The following NAALADL2 variants were observed in gnomAD, a reference collection of about 807,000 sequenced individuals.
The protein encoded by NAALADL2 is N-acetylated alpha-linked acidic dipeptidase like 2.
In NAALADL2, 76 loss-of-function variants were observed where a neutral mutation model predicts 87.2. The observed-to-expected ratio is 0.87, with a 90% CI of 0.72 to 1.05. The LOEUF (loss-of-function observed/expected upper bound fraction) is 1.05. Ranked by LOEUF, NAALADL2 falls within the 50% of genes least tolerant of loss-of-function variation. The pLI, the probability that NAALADL2 is intolerant of heterozygous loss-of-function variation, is 0.00. For synonymous variants in NAALADL2, 354 were observed against 331.0 expected, an observed-to-expected ratio of 1.07 and a Z score of -0.75; for missense variants, 1,089 against 945.8, an observed-to-expected ratio of 1.15 and a Z score of -1.99.
In NAALADL2 at chr3:175,753,420, A is replaced by G. The variant is rs114404844; in HGVS notation, c.1991-1800A>G. On this transcript the variant is annotated intron_variant, in intron 12 of 13. Transcript: ENST00000454872. Reference sequence around the variant, plus strand: ...TTTCTAAACATACTTTATTGAACCTACTTTGCTTATTTAGTAAACAATTAT... The same window carrying G: ...TTTCTAAACATACTTTATTGAACCTGCTTTGCTTATTTAGTAAACAATTAT... Among the ~76,000 whole-genome samples the G allele has an allele frequency of 5.7e-3, 860 of 152,128 alleles. 10 individuals are homozygous for G. Among genetic ancestry groups the G allele is most frequent in the African/African-American group, 0.02 (818 of 41,498 alleles).
chr3:175,270,136 T>C (rs1022265551), intron 4 of NAALADL2, among the ~76,000 whole-genome samples: 1 of 152,162 alleles, frequency 6.6e-6, no homozygotes, highest in Non-Finnish European at 1.5e-5. Context: ...ATTTAGCTTA[T>C]TTGCTTCCCC....
chr3:175,797,194 T>G (rs1011323384), intron 13 of NAALADL2, among the ~76,000 whole-genome samples: 2 of 152,138 alleles, frequency 1.3e-5, no homozygotes, highest in African/African-American at 4.8e-5. Flanking sequence ...CTTTATGTTG[T>G]GTGTGGGTCA....
At chr3:174,789,780 C>A (rs1019634772) in intron 3 of NAALADL2, among the ~76,000 whole-genome samples, 1 of 152,176 alleles carries the variant, frequency 6.6e-6, no homozygotes, top group East Asian at 1.9e-4. Flanking sequence ...TAGCAACCAG[C>A]AATGGCTAAG....
At chr3:174,797,004 T>G (rs56759391) in intron 3 of NAALADL2, among the ~76,000 whole-genome samples, 35,995 of 151,892 alleles carry the variant, frequency 0.24, 4,517 homozygotes, top group Middle Eastern at 0.3. Context: ...CTTATGCTTT[T>G]GAAGTGTTAG....
intron 10 of NAALADL2, among the ~76,000 whole-genome samples, chr3:175,605,716 GT>G (rs1356001286): frequency 6.9e-6 from 1 of 144,148 alleles, no homozygotes; most frequent in East Asian, 2.1e-4. Context: ...GTGTATTGCT[GT>G]TTTTTTAAAC....
intron 2 of NAALADL2, among the ~76,000 whole-genome samples, chr3:175,195,266 A>G (rs1015928171): frequency 6.6e-6 from 1 of 151,776 alleles, no homozygotes; most frequent in Non-Finnish European, 1.5e-5. Context: ...AGGGGAAGAG[A>G]CAATGAATAG....
At chr3:174,799,810 T>C (rs1393261018) in intron 3 of NAALADL2, among the ~76,000 whole-genome samples, 1 of 152,184 alleles carries the variant, frequency 6.6e-6, no homozygotes, top group Non-Finnish European at 1.5e-5. Context: ...TTAATGGCTT[T>C]GACCAAAAGC....
intron 13 of NAALADL2, chr3:175,773,103 A>G (rs972337123): frequency 4.3e-4 from 65 of 152,230 alleles, no homozygotes; most frequent in African/African-American, 1.4e-3. Context: ...GGAGATGGTA[A>G]TGAGAAAGTG....
At chr3:174,894,900 C>T (rs1731316669) in intron 1 of NAALADL2, among the ~76,000 whole-genome samples, 1 of 151,768 alleles carries the variant, frequency 6.6e-6, no homozygotes, top group African/African-American at 2.4e-5. Context: ...TATACAAATA[C>T]AGGGAAATTA....
At chr3:175,390,672 G>A (rs1052413305) in intron 5 of NAALADL2, among the ~76,000 whole-genome samples, 13 of 152,094 alleles carry the variant, frequency 8.5e-5, no homozygotes, top group Admixed American at 6.5e-4. Flanking sequence ...GTCTCCAAGA[G>A]TAGCTTTTTT....
At chr3:175,017,312 A>G (rs186526472) in intron 1 of NAALADL2, among the ~76,000 whole-genome samples, 6 of 152,200 alleles carry the variant, frequency 3.9e-5, no homozygotes, top group African/African-American at 1.2e-4. Context: ...TGTAAGCATC[A>G]AACTAAATAC....
chr3:174,783,367 A>G (rs1418012876), intron 3 of NAALADL2, among the ~76,000 whole-genome samples: 1 of 152,086 alleles, frequency 6.6e-6, no homozygotes, highest in Non-Finnish European at 1.5e-5. Flanking sequence ...GATGAAGATG[A>G]GGATTACTTC....
intron 12 of NAALADL2, among the ~76,000 whole-genome samples, chr3:175,754,815 C>G (rs1445548907): frequency 6.6e-6 from 1 of 152,136 alleles, no homozygotes; most frequent in Non-Finnish European, 1.5e-5. Context: ...ATGTGACAAG[C>G]AAGTTTTGGT....
intron 2 of NAALADL2, among the ~76,000 whole-genome samples, chr3:174,668,139 A>T (rs192460797): frequency 4.6e-5 from 7 of 152,054 alleles, no homozygotes; most frequent in Admixed American, 4.6e-4. Flanking sequence ...ATCTTTTCAT[A>T]TTCTTGTTGG....
intron 9 of NAALADL2, among the ~76,000 whole-genome samples, chr3:175,479,469 A>C (rs561006088): frequency 6.6e-6 from 1 of 151,898 alleles, no homozygotes; most frequent in African/African-American, 2.4e-5. Context: ...TCCTTCAATC[A>C]TCTTGTGAAA....
intron 13 of NAALADL2, among the ~76,000 whole-genome samples, chr3:175,775,790 G>A (rs1750153471): frequency 6.6e-6 from 1 of 152,112 alleles, no homozygotes; most frequent in Non-Finnish European, 1.5e-5. Flanking sequence ...AAGCAATAAT[G>A]TGTTAACATC....
chr3:175,144,129 G>C (rs1168911167), intron 2 of NAALADL2, among the ~76,000 whole-genome samples: 2 of 151,806 alleles, frequency 1.3e-5, no homozygotes, highest in East Asian at 3.9e-4. Context: ...ATTTCCTCTT[G>C]AGTTACTAAA....
intron 11 of NAALADL2, among the ~76,000 whole-genome samples, chr3:175,690,453 T>G (rs985161608): frequency 6.6e-6 from 1 of 152,070 alleles, no homozygotes; most frequent in Non-Finnish European, 1.5e-5. Flanking sequence ...TAATTTAAGA[T>G]CACTCCAAAT....
chr3:174,957,197 C>A (rs560197689), intron 1 of NAALADL2, among the ~76,000 whole-genome samples: 211 of 152,124 alleles, frequency 1.4e-3, no homozygotes, highest in African/African-American at 4.9e-3. Context: ...CTAAAGCAAT[C>A]CCGAGACTTC....
Sources: allele counts gnomAD v4.1 joint callset (sites outside exome capture counted in the v4.1 genomes callset), GRCh38; gene constraint gnomAD v4.1.1; transcripts MANE v1.5; gene names NCBI Gene and HGNC (gene_info 2026-07-23, HGNC 2026-07-21).